The following L3MBTL4 variants were observed in gnomAD, a reference collection of about 807,000 sequenced individuals.
L3MBTL4 encodes the protein lethal(3)malignant brain tumor-like protein 4.
Under a neutral mutation model 84.5 loss-of-function variants are expected in L3MBTL4, and 70 were observed. The observed-to-expected ratio is 0.83, with a 90% CI of 0.68 to 1.01. The LOEUF is 1.01. Among genes scored for constraint, L3MBTL4 ranks in the 50% least tolerant of loss-of-function variants. L3MBTL4 has a pLI of 0.00. For missense variants in L3MBTL4, 715 were observed against 754.8 expected (o/e 0.95, Z 0.62); for synonymous variants, 274 against 259.8 (o/e 1.05, Z -0.52).
intron 17 of L3MBTL4, among the ~76,000 whole-genome samples, chr18:5,962,904 T>C (rs2052130731): frequency 6.6e-6 from 1 of 152,186 alleles, no homozygotes; most frequent in African/African-American, 2.4e-5. Flanking sequence ...TGTTTAACGG[T>C]ATCCCTGCCC....
At chr18:6,050,364 T>C (rs2056795922) in intron 16 of L3MBTL4, among the ~76,000 whole-genome samples, 4 of 152,220 alleles carry the variant, frequency 2.6e-5, no homozygotes, top group Admixed American at 2.0e-4. Flanking sequence ...GCATTTTCCT[T>C]TGAATAGAAA....
intron 17 of L3MBTL4, 128 bp downstream of exon 17, chr18:5,969,265 T>C (rs573314048): frequency 2.1e-5 from 21 of 991,380 alleles, no homozygotes; most frequent in East Asian, 1.9e-4. Flanking sequence ...AAAGTTTACA[T>C]GGCAGATGCG....
At chr18:6,066,740 A>T (rs1304789008) in intron 16 of L3MBTL4, among the ~76,000 whole-genome samples, 1 of 152,006 alleles carries the variant, frequency 6.6e-6, no homozygotes, top group Non-Finnish European at 1.5e-5. Context: ...CCTTAAGTTT[A>T]TGTGACTCCT....
At chr18:6,023,324 G>T (rs1332819340) in intron 16 of L3MBTL4, among the ~76,000 whole-genome samples, 5 of 152,230 alleles carry the variant, frequency 3.3e-5, no homozygotes, top group Admixed American at 1.3e-4. Flanking sequence ...ACTGATTCAT[G>T]ATGTGGAAAG....
intron 17 of L3MBTL4, among the ~76,000 whole-genome samples, chr18:5,962,557 C>G (rs912549789): frequency 1.3e-5 from 2 of 152,172 alleles, no homozygotes; most frequent in African/African-American, 4.8e-5. Context: ...ACGCTGGAAT[C>G]CTCTGCAGAG....
At chr18:6,315,151 T>C (rs984401467) in intron 1 of L3MBTL4, among the ~76,000 whole-genome samples, 2 of 152,184 alleles carry the variant, frequency 1.3e-5, no homozygotes, top group African/African-American at 4.8e-5. Context: ...ACATGCACAG[T>C]GAAAGAACAT....
At chr18:6,250,747 C>T (rs111390883) in intron 5 of L3MBTL4, among the ~76,000 whole-genome samples, 9 of 152,264 alleles carry the variant, frequency 5.9e-5, no homozygotes, top group South Asian at 4.2e-4. Flanking sequence ...AACCTTCACA[C>T]GATAGCTCTC....
chr18:6,105,624 C>A (rs1474942162), intron 14 of L3MBTL4, among the ~76,000 whole-genome samples: 1 of 151,608 alleles, frequency 6.6e-6, no homozygotes, highest in African/African-American at 2.4e-5. Flanking sequence ...CATGATGAAA[C>A]CCCGTCTCTA....
intron 16 of L3MBTL4, among the ~76,000 whole-genome samples, chr18:6,075,214 A>G (rs750721446): frequency 2.6e-5 from 4 of 152,172 alleles, no homozygotes; most frequent in African/African-American, 4.8e-5. Flanking sequence ...GAACAAGAAT[A>G]GTTAGGGCAA....
chr18:6,091,540 C>T (rs9950842), intron 15 of L3MBTL4, among the ~76,000 whole-genome samples: 3 of 152,144 alleles, frequency 2.0e-5, no homozygotes, highest in Admixed American at 6.5e-5. Flanking sequence ...CTAACATTCT[C>T]GACTCCTTCT....
chr18:6,226,645 C>T (rs938527449), intron 10 of L3MBTL4, among the ~76,000 whole-genome samples: 1 of 152,098 alleles, frequency 6.6e-6, no homozygotes, highest in African/African-American at 2.4e-5. Context: ...AACAGCTATA[C>T]TATTTCTCAC....
intron 11 of L3MBTL4, 127 bp from the exon 12 acceptor site, chr18:6,213,386 T>C: frequency 1.7e-6 from 1 of 576,118 alleles, no homozygotes; most frequent in Non-Finnish European, 3.1e-6. Context: ...TGGAATTTAG[T>C]GTTTTTTGTT....
intron 16 of L3MBTL4, chr18:6,046,599 A>T (rs2056629844): frequency 3.5e-6 from 2 of 566,706 alleles, no homozygotes; most frequent in Non-Finnish European, 6.4e-6. Flanking sequence ...CAATACCAAG[A>T]TCTCCCAAAA....
chr18:6,335,613 A>C (rs1221188303), intron 1 of L3MBTL4, among the ~76,000 whole-genome samples: 5 of 152,182 alleles, frequency 3.3e-5, no homozygotes, highest in African/African-American at 1.2e-4. Context: ...CTTATCTTGA[A>C]TTATAATCCC....
At chr18:6,053,990 G>T (rs2056926485) in intron 16 of L3MBTL4, among the ~76,000 whole-genome samples, 1 of 152,176 alleles carries the variant, frequency 6.6e-6, no homozygotes, top group South Asian at 2.1e-4. Context: ...TTTTTGCCAG[G>T]TGCTAGCAAA....
At chr18:6,301,773 C>T in intron 4 of L3MBTL4, 130 bp downstream of exon 4, 1 of 752,080 alleles carries the variant, frequency 1.3e-6, no homozygotes, top group Non-Finnish European at 2.4e-6. Flanking sequence ...TATGCAATAC[C>T]CTGAATAAAT....
At chr18:6,372,740 T>C (rs985230207) in intron 1 of L3MBTL4, among the ~76,000 whole-genome samples, 2 of 152,324 alleles carry the variant, frequency 1.3e-5, no homozygotes, top group East Asian at 1.9e-4. Context: ...AATGGACAGA[T>C]ATGTAATTGC....
At chr18:6,029,400 T>C in intron 16 of L3MBTL4, 2 of 883,750 alleles carry the variant, frequency 2.3e-6, no homozygotes, top group South Asian at 5.2e-5. Flanking sequence ...GTAGGTGACA[T>C]GTTTATTTAC....
intron 5 of L3MBTL4, among the ~76,000 whole-genome samples, chr18:6,255,974 T>C (rs917303567): frequency 1.3e-5 from 2 of 152,230 alleles, no homozygotes; most frequent in African/African-American, 2.4e-5. Context: ...CTAAGAAGCA[T>C]CTATATTAAA....
Sources: gnomAD v4.1 joint callset for allele counts (sites outside exome capture counted in the v4.1 genomes callset) on GRCh38, gnomAD v4.1.1 for gene constraint, MANE v1.5 for transcripts, NCBI Gene and HGNC (gene_info 2026-07-23, HGNC 2026-07-21) for gene names.